ARHGEF2: variants seen among roughly 807,000 people sequenced by gnomAD.
The protein encoded by ARHGEF2 is Rho/Rac guanine nucleotide exchange factor 2.
A neutral mutation model predicts 121.0 loss-of-function variants in ARHGEF2; 22 were observed. That is an observed-to-expected ratio of 0.18 (90% CI 0.13 to 0.26). The LOEUF (loss-of-function observed/expected upper bound fraction) is 0.26, where lower values mean the gene tolerates loss of function less well. Among genes scored for constraint, ARHGEF2 ranks in the 10% least tolerant of loss-of-function variants. The pLI is 1.00. For synonymous variants in ARHGEF2, 487 were observed against 530.0 expected (o/e 0.92, Z 1.11); for missense variants, 907 against 1,336.0 (o/e 0.68, Z 5.01).
chr1:155,976,754 G>A (rs1054455332), intron 1 of ARHGEF2, among the ~76,000 whole-genome samples: 2 of 151,330 alleles, frequency 1.3e-5, no homozygotes, highest in South Asian at 2.1e-4. Context: ...CAGCTCAAAC[G>A]GTTGAAAAAA....
At chr1:155,978,556 C>A, upstream of ARHGEF2, 1 of 1,266,626 alleles carries the variant, frequency 7.9e-7, no homozygotes, top group South Asian at 2.6e-5. The surrounding 1 kb of genome is among the most constrained non-coding windows in gnomAD (Gnocchi z 4.1). Flanking sequence ...TCCCCTCGCC[C>A]GGCACCCAGC....
Position 155,978,187 on chromosome 1 carries a change from C to G in ARHGEF2, c.63+178G>C, listed in dbSNP as rs373715546. On this transcript the variant is annotated intron_variant, in intron 1 of 21. Transcript: ENST00000361247. The surrounding 1 kb of genome is among the most constrained non-coding windows in gnomAD (Gnocchi z 4.1). ...GCACCGTCGCGTCTGCCGCTCCCCC[C>G]ACCCCTACCCACTCGCTCGCAGTCC... is the stretch of plus-strand genomic sequence containing the variant. The G allele has an allele frequency of 3.8e-6, 5 of 1,313,120 alleles. No individual in the cohort carries two copies. Among genetic ancestry groups the G allele is most frequent in the South Asian group, 3.6e-5 (2 of 55,300 alleles). 81.3% of individuals were successfully genotyped at this position (1,313,120 alleles called of 1,614,324 possible).
intron 21 of ARHGEF2, among the ~76,000 whole-genome samples, chr1:155,948,617 CA>C (rs1258352416): frequency 4.6e-5 from 7 of 151,116 alleles, no homozygotes; most frequent in African/African-American, 1.5e-4. Flanking sequence ...GGTGACAGAG[CA>C]AAACTGTCTC....
At position 155,947,618 on chromosome 1, in the gene ARHGEF2, T is replaced by G; in HGVS notation, c.*324A>C. On this transcript the variant is annotated 3_prime_UTR_variant, in exon 22 of 22. Transcript: ENST00000361247. ...ACAAGGCCCTCTGATCCCTATGGCT[T>G]GGTTCCCATGTCCCTGGTCCTTTAA... The G allele has an allele frequency of 2.7e-6, 1 of 373,300 alleles. No homozygotes were observed. Among genetic ancestry groups the G allele is most frequent in the Non-Finnish European group, 5.1e-6 (1 of 196,180 alleles). 23.1% of individuals were successfully genotyped at this position (373,300 alleles called of 1,614,324 possible).
rs1057084083 is a variant in ARHGEF2 at position 155,951,638 on chromosome 1, T to C, written c.2208+103A>G. 2 of 1,606,986 alleles carry C rather than the reference T, an allele frequency of 1.2e-6. No individual in the cohort carries two copies. The highest frequency in any genetic ancestry group is 2.7e-5 in the African/African-American group (2 of 74,770). Reference sequence around the variant, plus strand: ...GGGACAGTAGGATCCGGAGACATACTTGAATGTAGACGCTTTCCCCACCCC... The same window carrying C: ...GGGACAGTAGGATCCGGAGACATACCTGAATGTAGACGCTTTCCCCACCCC... On this transcript the variant is annotated intron_variant, in intron 18 of 21. Coordinates refer to ENST00000361247, the MANE Select transcript of ARHGEF2 (RefSeq NM_001162383.2). The surrounding 1 kb of genome is among the most constrained non-coding windows in gnomAD (Gnocchi z 5.1).
rs768352282 is a variant in ARHGEF2, at chr1:155,952,786, C to T, written c.1826G>A (p.Arg609Gln). The T allele has an allele frequency of 7.4e-6, 12 of 1,614,174 alleles. No individual in the cohort carries two copies. Among genetic ancestry groups the T allele is most frequent in the Middle Eastern group, 1.6e-4 (1 of 6,062 alleles). ...CTCAGCAAACAGCCCGACCTTCTCT[C>T]GCAGCAGCTCCACCAGTGCCCGGTC... is the stretch of plus-strand genomic sequence containing the variant. ...QKDRALVELL[R>Q]EKVGLFAEMT... Residue 609 changes from arginine (R) to glutamine (Q), a missense_variant, in exon 15 of 22, where the codon CGA (arginine) becomes CAA (glutamine). Arg to Gln is a conservative substitution (Grantham distance 43). Around this residue, in one of 2 missense-constraint regions of ARHGEF2, gnomAD observed 432 missense variants for 559.5 expected, o/e 0.77. Coordinates refer to ENST00000361247, the MANE Select transcript of ARHGEF2 (RefSeq NM_001162383.2).
Position 155,962,515 on chromosome 1 carries a change from A to G in ARHGEF2, c.1101+78T>C. The G allele has an allele frequency of 1.3e-6, 2 of 1,578,834 alleles. No individual in the cohort carries two copies. The highest frequency in any genetic ancestry group is 8.6e-7 in the Non-Finnish European group (1 of 1,161,020). On this transcript the variant is annotated intron_variant, in intron 9 of 21. Coordinates refer to ENST00000361247, the MANE Select transcript of ARHGEF2 (RefSeq NM_001162383.2). This position sits in a 1 kb window ranked among gnomAD's most constrained non-coding sequence, Gnocchi z 5.8. ...GAATGCCTGACCTCCATGTGGGTGC[A>G]GCTCACAGGCACTACCCCCATGAGT...
chr1:155,952,563 T>C lies in ARHGEF2; in HGVS notation c.1984+65A>G, dbSNP rs1022303791. ...CTTGTCTGTGTTTGTCCATGTCTAG[T>C]CACATGTCCACATTCTGTGACGGTG... On this transcript the variant is annotated intron_variant, in intron 15 of 21. Transcript: ENST00000361247. 14 of 1,525,902 alleles carry C rather than the reference T, an allele frequency of 9.2e-6. No homozygotes were observed. The African/African-American group carries it at 1.9e-4, about 21-fold the overall frequency. The allele number at this position is 1,525,902 out of a possible 1,614,324, so 94.5% of individuals were successfully genotyped here. A position where few individuals can be genotyped will look rare whatever the true frequency, so the allele number is the denominator to read the frequency against.
At chr1:155,958,968 G>A (rs1572103775) in intron 11 of ARHGEF2, among the ~76,000 whole-genome samples, 2 of 152,090 alleles carry the variant, frequency 1.3e-5, no homozygotes, top group Admixed American at 6.5e-5. Flanking sequence ...ACAAAACAGC[G>A]TTGTGGGCTA....
chr1:155,949,563 A>C (rs982109167), intron 21 of ARHGEF2, among the ~76,000 whole-genome samples: 2 of 150,572 alleles, frequency 1.3e-5, no homozygotes, highest in Non-Finnish European at 3.0e-5. Flanking sequence ...CTGGCGACAG[A>C]GTGAGAATTC....
intron 12 of ARHGEF2, 99 bp from the exon 13 acceptor site, chr1:155,957,981 A>C: frequency 7.8e-7 from 1 of 1,282,548 alleles, no homozygotes; most frequent in Non-Finnish European, 1.1e-6. Flanking sequence ...AGGACTGAAG[A>C]GTCATCTTAC....
At position 155,950,927 on chromosome 1, in the gene ARHGEF2, G is replaced by A. The variant is rs1193303080; in HGVS notation, c.2605C>T (p.Leu869Phe). 3 of 1,604,810 alleles carry A rather than the reference G, an allele frequency of 1.9e-6. No homozygotes were observed. The highest frequency in any genetic ancestry group is 2.6e-6 in the Non-Finnish European group (3 of 1,174,550). Residue 869 changes from leucine to phenylalanine, a missense_variant, in exon 20 of 22, where the codon CTC becomes TTC. Physicochemically the swap from Leu to Phe is conservative, Grantham distance 22. Transcript: ENST00000361247. The surrounding 1 kb of genome is among the most constrained non-coding windows in gnomAD (Gnocchi z 5.2). ...CGGGCCCAGGGGGCCTCAGCTGGGA[G>A]TGGCTCGGTCTGGCCCAGGGCGGCC... is the stretch of plus-strand genomic sequence containing the variant. ...QLAALGQTEP[L>F]PAEAPWARRP... is the part of the protein sequence containing the mutation.
At position 155,978,152 on chromosome 1, in the gene ARHGEF2, C is replaced by G; in HGVS notation, c.63+213G>C. 1 of 1,280,594 alleles carries G rather than the reference C, an allele frequency of 7.8e-7. No individual in the cohort carries two copies. The allele number at this position is 1,280,594 out of a possible 1,614,324, so 79.3% of individuals were successfully genotyped here. A position where few individuals can be genotyped will look rare whatever the true frequency, so the allele number is the denominator to read the frequency against. On this transcript the variant is annotated intron_variant, in intron 1 of 21. Coordinates refer to ENST00000361247, the MANE Select transcript of ARHGEF2 (RefSeq NM_001162383.2). The surrounding 1 kb of genome is among the most constrained non-coding windows in gnomAD (Gnocchi z 4.1). ...AGCCCAGGTCCGCTCCGCTCCCTCC[C>G]GGGATCCCAGCACCGTCGCGTCTGC...
chr1:155,963,444 C>T (rs544655549), intron 7 of ARHGEF2, among the ~76,000 whole-genome samples: 5 of 147,776 alleles, frequency 3.4e-5, no homozygotes, highest in African/African-American at 1.0e-4. Context: ...CTCCTAGGTT[C>T]GAGCAGTTGT....
chr1:155,978,572 T>G, upstream of ARHGEF2: 1 of 1,270,634 alleles, frequency 7.9e-7, no homozygotes. This position sits in a 1 kb window ranked among gnomAD's most constrained non-coding sequence, Gnocchi z 4.1. Context: ...CCAGCACCAG[T>G]TCCTCAAACC....
rs750256175 is a variant in ARHGEF2, at chr1:155,958,317, C to T, written c.1545+3G>A. ...TGAGAAAGGTGAAGAATGAATGTCT[C>T]ACCAGGGTAGGAAAGATGTACTTCT... is the stretch of plus-strand genomic sequence containing the variant. On this transcript the variant is annotated splice_donor_region_variant and intron_variant, in intron 12 of 21. Coordinates refer to ENST00000361247, the MANE Select transcript of ARHGEF2 (RefSeq NM_001162383.2). The T allele has an allele frequency of 6.2e-7, 1 of 1,611,406 alleles. No homozygotes were observed. The highest frequency in any genetic ancestry group is 1.1e-5 in the South Asian group (1 of 90,978).
chr1:155,958,669 G>A (rs187413480), intron 11 of ARHGEF2, among the ~76,000 whole-genome samples: 4 of 149,788 alleles, frequency 2.7e-5, no homozygotes, highest in Admixed American at 1.4e-4. Context: ...TCCGCCTCCC[G>A]GGTTCAAGCG....
chr1:155,970,815 A>G, intron 1 of ARHGEF2: 1 of 986,226 alleles, frequency 1.0e-6, no homozygotes, highest in Non-Finnish European at 1.2e-6. Flanking sequence ...CCTGGGCCCA[A>G]GATCCTTCTC....
intron 1 of ARHGEF2, chr1:155,970,556 T>C (rs1055800797): frequency 9.1e-6 from 9 of 985,070 alleles, no homozygotes; most frequent in African/African-American, 1.8e-5. Flanking sequence ...TGGCTGAGGG[T>C]AGAAGCCCCA....
Sources: gnomAD v4.1 joint callset for allele counts (sites outside exome capture counted in the v4.1 genomes callset) on GRCh38, gnomAD v4.1.1 for gene constraint, gnomAD v4.1.1 regional missense constraint, Gnocchi (gnomAD v3.1) non-coding constraint, MANE v1.5 for transcripts, NCBI Gene and HGNC (gene_info 2026-07-23, HGNC 2026-07-21) for gene names.